ASB2: variants seen among roughly 807,000 people sequenced by gnomAD.
The protein encoded by ASB2 is ankyrin repeat and SOCS box containing 2, also known as ankyrin repeat and SOCS box protein 2.
Under a neutral mutation model 62.4 loss-of-function variants are expected in ASB2, and 58 were observed. The ratio of observed to expected loss-of-function variants is 0.93; its 90% CI spans 0.75 to 1.16. ASB2 has a LOEUF of 1.16. Among genes scored for constraint, ASB2 ranks in the 50% most tolerant of loss-of-function variants. ASB2 has a pLI of 0.00. For synonymous variants in ASB2, 386 were observed against 385.3 expected (o/e 1.00, Z -0.02); for missense variants, 928 against 887.9 (o/e 1.05, Z -0.57).
At chr14:93,960,976 TAAATAAATAAAC>T (rs1366984248) in intron 2 of ASB2, among the ~76,000 whole-genome samples, 2 of 149,960 alleles carry the variant, frequency 1.3e-5, no homozygotes, top group African/African-American at 2.5e-5. Context: ...AATAAATAAA[TAAATAAATAAAC>T]AGTATCAGCT....
chr14:93,974,907 C>T lies in ASB2; in HGVS notation c.-74+1527G>A, dbSNP rs191239406. 4.3e-4 allele frequency among the ~76,000 whole-genome samples: 65 copies of T among 152,288 alleles called. No individual in the cohort carries two copies. The East Asian group carries it at 0.012, about 27-fold the overall frequency. On this transcript the variant is annotated intron_variant, in intron 1 of 9. Transcript: ENST00000555019. ...CACCGTGCGTGGGTTAGACAGTGTCCCCCACCCCCGCCACCACAAGGCACT... is the reference window on the plus strand; with the variant it reads ...CACCGTGCGTGGGTTAGACAGTGTCTCCCACCCCCGCCACCACAAGGCACT...
rs369185022 is a variant in ASB2, at chr14:93,953,346, C to T, written c.634+6G>A. ...AGGAAAGCTCACTCCGGGGTGGGGA[C>T]CTCACCTTTGTAGAGCGGTGTCTCT... On this transcript the variant is annotated splice_donor_region_variant and intron_variant, in intron 5 of 9. Transcript: ENST00000555019. 1.3e-6 allele frequency: 2 copies of T among 1,567,026 alleles called. No homozygotes were observed. The highest frequency in any genetic ancestry group is 1.4e-5 in the African/African-American group (1 of 73,916).
Position 93,939,483 on chromosome 14 carries a change from C to G in ASB2, c.1242G>C (p.Ala414=). 6.2e-7 allele frequency: 1 copy of G among 1,611,306 alleles called. No homozygotes were observed. ...TGTTGTTGACCACCGCGAAGTACAG[C>G]GCGGAGCTGCGCCGGTCTTCGTAGA... ...ARLYEDRRSS[A]LYFAVVNNNV... is the part of the protein sequence containing the mutation. Residue 414 remains alanine, a synonymous_variant, in exon 8 of 10, where the codon GCG becomes GCC. Transcript: ENST00000555019.
Position 93,953,342 on chromosome 14 carries a change from G to C in ASB2, c.634+10C>G, listed in dbSNP as rs1215951467. The C allele has an allele frequency of 2.6e-6, 4 of 1,558,624 alleles. No homozygotes were observed. The highest frequency in any genetic ancestry group is 3.5e-6 in the Non-Finnish European group (4 of 1,141,666). ...CCGCAGGAAAGCTCACTCCGGGGTGGGGACCTCACCTTTGTAGAGCGGTGT... is the reference window on the plus strand; with the variant it reads ...CCGCAGGAAAGCTCACTCCGGGGTGCGGACCTCACCTTTGTAGAGCGGTGT... On this transcript the variant is annotated intron_variant, in intron 5 of 9. Coordinates refer to ENST00000555019, the MANE Select transcript of ASB2 (RefSeq NM_001202429.2).
At chr14:93,965,497 T>C (rs1889559784) in intron 1 of ASB2, among the ~76,000 whole-genome samples, 1 of 152,250 alleles carries the variant, frequency 6.6e-6, no homozygotes, top group African/African-American at 2.4e-5. Context: ...TTCCAGTGAC[T>C]CTTTTCTTAA....
Position 93,954,613 on chromosome 14 carries a change from C to A in ASB2, c.312-130G>T. 21 of 755,326 alleles carry A rather than the reference C, an allele frequency of 2.8e-5. 1 individual carries two copies. In the South Asian group the frequency reaches 3.5e-4, roughly 13 times the overall value. The allele number at this position is 755,326 out of a possible 1,614,324, so 46.8% of individuals were successfully genotyped here. ...TGCTGGTTCCAGGATGAGCACTCAG[C>A]CCCCTGCAGCCCAGTGGCTGCAAGA... is the stretch of plus-strand genomic sequence containing the variant. On this transcript the variant is annotated intron_variant, in intron 3 of 9. Transcript: ENST00000555019.
At position 93,951,187 on chromosome 14, in the gene ASB2, G is replaced by A; in HGVS notation, c.692C>T (p.Thr231Ile). Residue 231 changes from threonine to isoleucine, a missense_variant, in exon 6 of 10, where the codon ACC becomes ATC. Transcript: ENST00000555019. ...CCAGCCGCGGTTGCAGCGGTGGTTG[G>A]TGTCTGCATTGTGCTGCACCAGAAT... ...VKILVQHNAD[T>I]NHRCNRGWTA... is the part of the protein sequence containing the mutation. 6.2e-7 allele frequency: 1 copy of A among 1,613,490 alleles called. No individual in the cohort carries two copies. Among genetic ancestry groups the A allele is most frequent in the South Asian group, 1.1e-5 (1 of 91,080 alleles).
Position 93,955,386 on chromosome 14 carries a change from C to T in ASB2, c.312-903G>A, listed in dbSNP as rs563607973. 1.1e-3 allele frequency: 374 copies of T among 332,580 alleles called. 6 individuals are homozygous for T. The highest frequency in any genetic ancestry group is 3.9e-3 in the South Asian group (160 of 41,420). The allele number at this position is 332,580 out of a possible 1,614,324, so 20.6% of individuals were successfully genotyped here. A position where few individuals can be genotyped will look rare whatever the true frequency, so the allele number is the denominator to read the frequency against. On this transcript the variant is annotated intron_variant, in intron 3 of 9. Transcript: ENST00000555019. ...ATTAATGGTGTCAGAGCACAGATGC[C>T]GGTGAAGCAACAGACCCAGCAAGGA... is the stretch of plus-strand genomic sequence containing the variant.
intron 7 of ASB2, chr14:93,942,296 G>T: frequency 2.2e-6 from 1 of 456,028 alleles, no homozygotes; most frequent in South Asian, 1.5e-5. Flanking sequence ...GTGTCTGGAA[G>T]AATGGCCCCC....
chr14:93,950,918 C>T, intron 6 of ASB2, 81 bp downstream of exon 6: 2 of 1,498,108 alleles, frequency 1.3e-6, no homozygotes, highest in Non-Finnish European at 1.8e-6. Context: ...CCCTAACTCG[C>T]CTTCCCTTAG....
At position 93,974,262 on chromosome 14, in the gene ASB2, A is replaced by G. The variant is rs147154176; in HGVS notation, c.-74+2172T>C. ...AAAAACAGATAGTTTAGGAATTTCA[A>G]TTTACCTTTATTTCAGCACCACCTC... On this transcript the variant is annotated intron_variant, in intron 1 of 9. Transcript: ENST00000555019. 1.1e-4 allele frequency among the ~76,000 whole-genome samples: 16 copies of G among 152,256 alleles called. No homozygotes were observed. The East Asian group carries it at 1.7e-3, about 17-fold the overall frequency.
rs1406141543 is a variant in ASB2, at chr14:93,964,409, C to T, written c.131G>A (p.Arg44Lys). The T allele has an allele frequency of 6.5e-7, 1 of 1,536,088 alleles. No homozygotes were observed. Among genetic ancestry groups the T allele is most frequent in the Admixed American group, 2.0e-5 (1 of 50,996 alleles). Residue 44 changes from arginine (R) to lysine (K), a missense_variant, in exon 2 of 10, where the codon AGG becomes AAG. Arg to Lys is a conservative substitution (Grantham distance 26). Coordinates refer to ENST00000555019, the MANE Select transcript of ASB2 (RefSeq NM_001202429.2). ...AIEQSLADKT[R>K]GPTTAEATAS... is the part of the protein sequence containing the mutation. ...GGTGGCCTCAGCAGTGGTTGGGCCC[C>T]TTGTCTTGTCCGCTAGGCTCTGCTC...
chr14:93,944,164 CA>C (rs1239234189), intron 7 of ASB2: 3 of 362,724 alleles, frequency 8.3e-6, no homozygotes, highest in Non-Finnish European at 1.6e-5. Context: ...GCCCAGGCAT[CA>C]GGGTTTCTGG....
chr14:93,966,488 T>A (rs1334322604), intron 1 of ASB2, among the ~76,000 whole-genome samples: 1 of 152,246 alleles, frequency 6.6e-6, no homozygotes, highest in Non-Finnish European at 1.5e-5. Context: ...CTTGGAGGAC[T>A]TGATGCTTGG....
intron 4 of ASB2, 130 bp downstream of exon 4, chr14:93,954,187 A>G (rs1889085129): frequency 2.6e-6 from 2 of 761,372 alleles, no homozygotes; most frequent in South Asian, 3.3e-5. Context: ...CTAACTGACA[A>G]ATGAAAGTGA....
At position 93,964,476 on chromosome 14, in the gene ASB2, A is replaced by G. The variant is rs1889519833; in HGVS notation, c.64T>C (p.Tyr22His). 6.5e-7 allele frequency: 1 copy of G among 1,536,054 alleles called. No individual in the cohort carries two copies. The highest frequency in any genetic ancestry group is 1.2e-5 in the South Asian group (1 of 84,054). The change falls in exon 2 of 10, where the codon TAC (tyrosine) becomes CAC (histidine). Residue 22 changes from tyrosine to histidine, a missense_variant. By Grantham distance (83) the Tyr-to-His change is moderately conservative. Transcript: ENST00000555019. Reference protein sequence around the residue: ...CTIGQEEYSLYSSLSEDELVQ... With the variant: ...CTIGQEEYSLHSSLSEDELVQ... Reference sequence around the variant, plus strand: ...AGTTCATCCTCGCTCAGGCTGCTGTACAGGCTGTACTCCTCCTGCCCAATG... The same window carrying G: ...AGTTCATCCTCGCTCAGGCTGCTGTGCAGGCTGTACTCCTCCTGCCCAATG...
chr14:93,957,215 C>A, intron 2 of ASB2: 1 of 1,265,006 alleles, frequency 7.9e-7, no homozygotes, highest in South Asian at 2.1e-5. Context: ...AGGATGTGAG[C>A]CGTGGTCGGC....
intron 3 of ASB2, chr14:93,954,996 T>C (rs1889126855): frequency 2.2e-6 from 1 of 453,878 alleles, no homozygotes; most frequent in African/African-American, 2.0e-5. Context: ...AACTTCTGAA[T>C]GTCAAAAAGA....
intron 7 of ASB2, chr14:93,941,650 G>A (rs1567020558): frequency 2.2e-6 from 1 of 456,090 alleles, no homozygotes; most frequent in African/African-American, 2.0e-5. Context: ...GCCAACAAAT[G>A]CTCTGCTAAC....
Sources: gnomAD v4.1 joint callset for allele counts (sites outside exome capture counted in the v4.1 genomes callset) on GRCh38, gnomAD v4.1.1 for gene constraint, MANE v1.5 for transcripts, NCBI Gene and HGNC (gene_info 2026-07-23, HGNC 2026-07-21) for gene names.